The following NEK6 variants were observed in gnomAD, a reference collection of about 807,000 sequenced individuals.
NEK6 encodes NIMA related kinase 6, also known as serine/threonine-protein kinase Nek6.
NEK6 carries 27 observed loss-of-function variants against 43.5 expected under a neutral mutation model. The ratio of observed to expected loss-of-function variants is 0.62; its 90% confidence interval spans 0.46 to 0.86. NEK6 has a LOEUF of 0.86. Among genes scored for constraint, NEK6 ranks in the 40% least tolerant of loss-of-function variants. NEK6 has a pLI of 0.00. For synonymous variants in NEK6, 167 were observed against 164.1 expected (o/e 1.02, Z -0.14); for missense variants, 318 against 414.4 (o/e 0.77, Z 2.02).
In NEK6 at chr9:124,347,364, T is replaced by C. The variant is rs570049777; in HGVS notation, c.718-345T>C. Among the ~76,000 whole-genome samples, 18 of 152,382 alleles carry C rather than the reference T, an allele frequency of 1.2e-4. No individual in the cohort carries two copies. In the East Asian group the frequency reaches 3.5e-3, roughly 29 times the overall value. On this transcript the variant is annotated intron_variant, in intron 8 of 9. Coordinates refer to ENST00000320246, the MANE Select transcript of NEK6 (RefSeq NM_014397.6). ...ATCGCGTTTTATGGAAATAAGACCATGCACTCGGCAACCTGCCACATGGAG... is the reference window on the plus strand; with the variant it reads ...ATCGCGTTTTATGGAAATAAGACCACGCACTCGGCAACCTGCCACATGGAG...
At chr9:124,350,023 G>A (rs1830166495) in intron 9 of NEK6, among the ~76,000 whole-genome samples, 1 of 152,202 alleles carries the variant, frequency 6.6e-6, no homozygotes, top group South Asian at 2.1e-4. Flanking sequence ...CCTCCAGAAC[G>A]TCCCGTGGGC....
rs551642634 is a variant in NEK6 at position 124,312,769 on chromosome 9, A to G, written c.231+120A>G. 1.9e-4 allele frequency: 194 copies of G among 1,002,818 alleles called. 3 individuals are homozygous for G. Among genetic ancestry groups the G allele is most frequent in the Non-Finnish European group, 2.5e-4 (177 of 697,612 alleles). The allele number at this position is 1,002,818 out of a possible 1,614,324, so 62.1% of individuals were successfully genotyped here. A position where few individuals can be genotyped will look rare whatever the true frequency, so the allele number is the denominator to read the frequency against. On this transcript the variant is annotated intron_variant, in intron 3 of 9. Transcript: ENST00000320246. Reference sequence around the variant, plus strand: ...CTGTGAACGAGGGAAACAGCACTCAACTCACTGGGTTACAGAGAGAACCAG... The same window carrying G: ...CTGTGAACGAGGGAAACAGCACTCAGCTCACTGGGTTACAGAGAGAACCAG...
Position 124,326,296 on chromosome 9 carries a change from G to A in NEK6, c.406-34G>A, listed in dbSNP as rs773103613. 4.8e-6 allele frequency: 7 copies of A among 1,448,646 alleles called. No homozygotes were observed. The East Asian group carries it at 7.9e-5, about 16-fold the overall frequency. 89.7% of individuals were successfully genotyped at this position (1,448,646 alleles called of 1,614,324 possible). ...CACCCACCTCCAAGCCCGCTCACCC[G>A]GGCCTATCCCTCTGCTTGTCTCCCC... On this transcript the variant is annotated intron_variant, in intron 5 of 9. Transcript: ENST00000320246. The surrounding 1 kb of genome is among the most constrained non-coding windows in gnomAD (Gnocchi z 4.5).
Position 124,343,941 on chromosome 9 carries a change from C to T in NEK6, c.718-3768C>T, listed in dbSNP as rs1470317830. ...AACATAAGTTTACTCTCTTAGATCT[C>T]GAGGATTCTGGAGGCCAGATGTCCA... On this transcript the variant is annotated intron_variant, in intron 8 of 9. Transcript: ENST00000320246. The surrounding 1 kb of genome is among the most constrained non-coding windows in gnomAD (Gnocchi z 5.1). Among the ~76,000 whole-genome samples the T allele has an allele frequency of 6.6e-6, 1 of 152,194 alleles. No individual in the cohort carries two copies. Among genetic ancestry groups the T allele is most frequent in the African/African-American group, 2.4e-5 (1 of 41,454 alleles).
rs141389987 is a variant in NEK6, at chr9:124,308,773, C to T, written c.91-3736C>T. Among the ~76,000 whole-genome samples, 114 of 152,116 alleles carry T rather than the reference C, an allele frequency of 7.5e-4. No homozygotes were observed. In the East Asian group the frequency reaches 0.021, roughly 28 times the overall value. ...GCACTGTTCTGGGGCCAGCCCCACGCCCGTCTTGCAGTTTAGAGCCACACC... is the reference window on the plus strand; with the variant it reads ...GCACTGTTCTGGGGCCAGCCCCACGTCCGTCTTGCAGTTTAGAGCCACACC... On this transcript the variant is annotated intron_variant, in intron 2 of 9. Coordinates refer to ENST00000320246, the MANE Select transcript of NEK6 (RefSeq NM_014397.6).
At chr9:124,329,258 G>A (rs1828838324) in intron 7 of NEK6, among the ~76,000 whole-genome samples, 1 of 152,020 alleles carries the variant, frequency 6.6e-6, no homozygotes, top group Admixed American at 6.6e-5. Flanking sequence ...GCTTCGAAAA[G>A]ACCAGGAAAT....
chr9:124,323,589 C>T (rs1031793998), intron 5 of NEK6, among the ~76,000 whole-genome samples: 3 of 152,170 alleles, frequency 2.0e-5, no homozygotes, highest in Admixed American at 2.0e-4. Context: ...CTCTCAGCCC[C>T]AGTGGAGCCC....
intron 4 of NEK6, among the ~76,000 whole-genome samples, chr9:124,315,996 C>T (rs545772883): frequency 2.6e-5 from 4 of 152,320 alleles, no homozygotes; most frequent in Admixed American, 2.0e-4. Context: ...GTGTGTGGTA[C>T]GCTCGCCGCC....
In NEK6 at chr9:124,347,822, G is replaced by GGTGA. The variant is rs760433694; in HGVS notation, c.831+3_831+6dup. 4 of 1,605,634 alleles carry GGTGA rather than the reference G, an allele frequency of 2.5e-6. No individual in the cohort carries two copies. The highest frequency in any genetic ancestry group is 3.4e-6 in the Non-Finnish European group (4 of 1,173,590). Reference sequence around the variant, plus strand: ...TCCCCGGGGAGCACTACTCCGAGAAGGTGAGTTTGCAGGAGCCGGAGGCCT... The same window carrying GGTGA: ...TCCCCGGGGAGCACTACTCCGAGAAGGTGAGTGAGTTTGCAGGAGCCGGAGGCCT... On this transcript the variant is annotated frameshift_variant and splice_region_variant. Coordinates refer to ENST00000320246, the MANE Select transcript of NEK6 (RefSeq NM_014397.6). LOFTEE classifies it high-confidence loss of function.
At chr9:124,319,204 C>G (rs554869428) in intron 4 of NEK6, among the ~76,000 whole-genome samples, 3 of 151,346 alleles carry the variant, frequency 2.0e-5, no homozygotes, top group Non-Finnish European at 4.4e-5. Context: ...AGGCTGGTCT[C>G]GAACTCCTGA....
chr9:124,298,400 G>A (rs1193499634), intron 1 of NEK6, among the ~76,000 whole-genome samples: 5 of 152,114 alleles, frequency 3.3e-5, no homozygotes, highest in Admixed American at 2.6e-4. Flanking sequence ...AGAGCAGCTC[G>A]TAATGACTGG....
intron 1 of NEK6, 189 bp downstream of exon 1, chr9:124,258,274 CG>C (rs2118826982): frequency 1.0e-6 from 1 of 984,344 alleles, no homozygotes; most frequent in South Asian, 4.6e-5. Flanking sequence ...GCCGGGCGGG[CG>C]GGGGCGGCGT....
At chr9:124,321,590 G>A in intron 5 of NEK6, 21 bp downstream of exon 5, 1 of 1,457,438 alleles carries the variant, frequency 6.9e-7, no homozygotes, top group Non-Finnish European at 9.6e-7. Flanking sequence ...GGCGGGGTGG[G>A]GGTGCTGGGG....
At chr9:124,305,793 C>G (rs1415149988) in intron 2 of NEK6, among the ~76,000 whole-genome samples, 1 of 152,134 alleles carries the variant, frequency 6.6e-6, no homozygotes, top group African/African-American at 2.4e-5. Flanking sequence ...GATAGATGAT[C>G]AGGAATTTGG....
At position 124,327,355 on chromosome 9, in the gene NEK6, G is replaced by A. The variant is rs1482758201; in HGVS notation, c.532G>A (p.Val178Met). Residue 178 changes from valine to methionine, a missense_variant, in exon 7 of 10, where the codon GTG (valine) becomes ATG (methionine). By Grantham distance (21) the Val-to-Met change is conservative (BLOSUM62 1). Coordinates refer to ENST00000320246, the MANE Select transcript of NEK6 (RefSeq NM_014397.6). Reference protein sequence around the residue: ...VMHRDIKPANVFITATGVVKL... With the variant: ...VMHRDIKPANMFITATGVVKL... Reference sequence around the variant, plus strand: ...CCCTGCAGACATCAAGCCTGCCAACGTGTTCATCACAGCCACGGGCGTCGT... The same window carrying A: ...CCCTGCAGACATCAAGCCTGCCAACATGTTCATCACAGCCACGGGCGTCGT... 4.3e-6 allele frequency: 7 copies of A among 1,613,734 alleles called. No homozygotes were observed. The highest frequency in any genetic ancestry group is 5.9e-6 in the Non-Finnish European group (7 of 1,180,000).
intron 1 of NEK6, among the ~76,000 whole-genome samples, chr9:124,264,435 T>TG (rs376720923): frequency 2.2e-3 from 330 of 152,256 alleles, no homozygotes; most frequent in African/African-American, 7.2e-3. Flanking sequence ...CAGGCACCCT[T>TG]GGGGGTGATC....
intron 1 of NEK6, among the ~76,000 whole-genome samples, chr9:124,280,231 G>A (rs1172827782): frequency 1.3e-5 from 2 of 152,252 alleles, no homozygotes; most frequent in Non-Finnish European, 2.9e-5. Flanking sequence ...TCCTGTGACT[G>A]CTCGAGGAAT....
At chr9:124,261,655 C>T (rs753827649) in intron 1 of NEK6, 11 of 884,234 alleles carry the variant, frequency 1.2e-5, no homozygotes, top group Admixed American at 1.2e-4. Context: ...ATTTCGATCA[C>T]GGCTTCTACT....
chr9:124,334,714 C>T (rs943930227), intron 7 of NEK6, among the ~76,000 whole-genome samples: 6 of 152,216 alleles, frequency 3.9e-5, no homozygotes, highest in Admixed American at 6.5e-5. Flanking sequence ...GGGAACAGCA[C>T]GTGCAAAGGC....
Sources: gnomAD v4.1 joint callset for allele counts (sites outside exome capture counted in the v4.1 genomes callset) on GRCh38, gnomAD v4.1.1 for gene constraint, Gnocchi (gnomAD v3.1) non-coding constraint, MANE v1.5 for transcripts, NCBI Gene and HGNC (gene_info 2026-07-23, HGNC 2026-07-21) for gene names.